Variants in CLTCL1 observed in about 807,000 individuals in gnomAD.
The protein encoded by CLTCL1 is clathrin heavy chain 2.
CLTCL1 carries 159 observed loss-of-function variants against 190.0 expected under a neutral mutation model. That is an observed-to-expected ratio of 0.84 (90% CI 0.74 to 0.95). The LOEUF (loss-of-function observed/expected upper bound fraction) is 0.95. Among genes scored for constraint, CLTCL1 ranks in the 40% least tolerant of loss-of-function variants. CLTCL1 has a pLI of 0.00. For missense variants in CLTCL1, 1,878 were observed against 2,033.4 expected, an observed-to-expected ratio of 0.92 and a Z score of 1.47; for synonymous variants, 752 against 769.6, an observed-to-expected ratio of 0.98 and a Z score of 0.38.
intron 14 of CLTCL1, 49 bp downstream of exon 14, chr22:19,223,842 C>G: frequency 6.2e-7 from 1 of 1,608,086 alleles, no homozygotes; most frequent in Non-Finnish European, 8.5e-7. Flanking sequence ...TCTGCCCCAC[C>G]TGCCATCAGC....
rs782763598 is a variant in CLTCL1, at chr22:19,291,576, G to GC, written c.42+23dup. 13 of 1,357,726 alleles carry GC rather than the reference G, an allele frequency of 9.6e-6. 1 individual carries two copies. Among genetic ancestry groups the GC allele is most frequent in the South Asian group, 5.3e-5 (3 of 57,110 alleles). The allele number at this position is 1,357,726 out of a possible 1,614,324, so 84.1% of individuals were successfully genotyped here. ...CGGCGGAGGCGCGGCTGACAGGGCAGCCCCCCAGCCCGCCGGGCCTCACCT... is the reference window on the plus strand; with the variant it reads ...CGGCGGAGGCGCGGCTGACAGGGCAGCCCCCCCAGCCCGCCGGGCCTCACCT... On this transcript the variant is annotated intron_variant, in intron 1 of 32. Transcript: ENST00000427926.
rs1555955418 is a variant in CLTCL1, at chr22:19,225,591, C to T, written c.1990G>A (p.Val664Met). 1.3e-6 allele frequency: 2 copies of T among 1,574,982 alleles called. No individual in the cohort carries two copies. Among genetic ancestry groups the T allele is most frequent in the East Asian group, 2.4e-5 (1 of 42,448 alleles). The change falls in exon 13 of 33, where the codon GTG becomes ATG. Residue 664 changes from valine (V) to methionine (M), a missense_variant. Transcript: ENST00000427926. ...GACAGCATGGCATGCAGACACTCCA[C>T]AGAATCCTCCACCGATAAGGAGCCA... ...FFGSLSVEDS[V>M]ECLHAMLSAN...
chr22:19,242,050 C>T (rs1290258667), intron 4 of CLTCL1, among the ~76,000 whole-genome samples: 1 of 149,512 alleles, frequency 6.7e-6, no homozygotes, highest in Admixed American at 6.7e-5. Context: ...TCAAGCAATT[C>T]TCCTGCCTCA....
chr22:19,239,189 A>C (rs2086172295), intron 5 of CLTCL1, 86 bp downstream of exon 5: 13 of 1,030,470 alleles, frequency 1.3e-5, no homozygotes, highest in Non-Finnish European at 2.0e-5. Flanking sequence ...GCAGAAGCAG[A>C]CTAAAAATGG....
chr22:19,237,551 A>G (rs1555962829), intron 5 of CLTCL1, among the ~76,000 whole-genome samples: 1 of 152,128 alleles, frequency 6.6e-6, no homozygotes, highest in African/African-American at 2.4e-5. Context: ...AATTTCTAGG[A>G]ATTTATCCTC....
chr22:19,277,538 T>A (rs937311066), intron 1 of CLTCL1, among the ~76,000 whole-genome samples: 3 of 152,146 alleles, frequency 2.0e-5, no homozygotes, highest in East Asian at 1.9e-4. Flanking sequence ...AAACAAAACA[T>A]TACTTCATAA....
chr22:19,271,150 T>C (rs1011635783), intron 2 of CLTCL1, among the ~76,000 whole-genome samples: 1 of 152,030 alleles, frequency 6.6e-6, no homozygotes, highest in African/African-American at 2.4e-5. Flanking sequence ...CTATACTCCA[T>C]CTACTTCTAA....
chr22:19,252,971 G>A (rs541916185), intron 3 of CLTCL1, among the ~76,000 whole-genome samples: 3 of 142,712 alleles, frequency 2.1e-5, no homozygotes, highest in South Asian at 4.4e-4. Flanking sequence ...CCGAGATCGC[G>A]CCACTGCACT....
rs563708523 is a variant in CLTCL1 at position 19,179,906 on chromosome 22, G to A, written c.*84C>T. ...CGCGGAAGTTGTACATTGGAGGCTG[G>A]CGAAGTTGGGAGCAGAGGCATATCC... On this transcript the variant is annotated 3_prime_UTR_variant, in exon 33 of 33. Transcript: ENST00000427926. 17 of 458,610 alleles carry A rather than the reference G, an allele frequency of 3.7e-5. No homozygotes were observed. The East Asian group carries it at 6.4e-4, about 17-fold the overall frequency. The allele number at this position is 458,610 out of a possible 1,614,324, so 28.4% of individuals were successfully genotyped here.
chr22:19,215,982 G>A (rs2085371560), intron 19 of CLTCL1, 129 bp downstream of exon 19: 2 of 776,174 alleles, frequency 2.6e-6, no homozygotes, highest in Non-Finnish European at 4.1e-6. Flanking sequence ...TAAGAAGATT[G>A]GCATGTCTGG....
chr22:19,250,510 T>C (rs2086560074), intron 3 of CLTCL1, among the ~76,000 whole-genome samples: 2 of 151,274 alleles, frequency 1.3e-5, no homozygotes. Flanking sequence ...AGCTAATTTG[T>C]TTGTCATCTA....
At chr22:19,269,040 C>T (rs1415678733) in intron 2 of CLTCL1, among the ~76,000 whole-genome samples, 1 of 144,862 alleles carries the variant, frequency 6.9e-6, no homozygotes, top group Non-Finnish European at 1.5e-5. Flanking sequence ...CAGTGAGCCG[C>T]GATAGCGCCA....
chr22:19,225,784 G>A (rs545773391), intron 12 of CLTCL1, among the ~76,000 whole-genome samples, 151 bp from the exon 13 acceptor site: 150 of 152,308 alleles, frequency 9.8e-4, no homozygotes, highest in Non-Finnish European at 1.9e-3. Context: ...TATCCATCAC[G>A]GGAAAAAGTA....
intron 10 of CLTCL1, among the ~76,000 whole-genome samples, chr22:19,231,752 T>C (rs959884943): frequency 2.6e-5 from 4 of 152,192 alleles, no homozygotes; most frequent in Non-Finnish European, 4.4e-5. Flanking sequence ...AAGTTTATAT[T>C]TTGAACAACT....
At chr22:19,282,553 C>CA (rs1393304368) in intron 1 of CLTCL1, among the ~76,000 whole-genome samples, 1 of 150,348 alleles carries the variant, frequency 6.7e-6, no homozygotes, top group Non-Finnish European at 1.5e-5. Flanking sequence ...CAGGAGAACC[C>CA]AGGAGGTGGA....
intron 18 of CLTCL1, 104 bp from the exon 19 acceptor site, chr22:19,216,360 GAC>G: frequency 1.9e-6 from 2 of 1,070,266 alleles, no homozygotes; most frequent in South Asian, 1.6e-5. Context: ...GTCTGGAATA[GAC>G]ACAGAGAAAA....
intron 2 of CLTCL1, chr22:19,257,957 G>T: frequency 1.3e-6 from 1 of 791,306 alleles, no homozygotes; most frequent in Non-Finnish European, 2.0e-6. Context: ...AAATTCTGTG[G>T]ACAATGCCTT....
intron 30 of CLTCL1, chr22:19,183,174 G>T: frequency 3.7e-6 from 2 of 544,668 alleles, no homozygotes; most frequent in Non-Finnish European, 6.6e-6. Flanking sequence ...CTGCCAGTGG[G>T]CACTCCCCAT....
intron 7 of CLTCL1, 141 bp from the exon 8 acceptor site, chr22:19,233,763 CA>C: frequency 2.8e-6 from 2 of 707,902 alleles, no homozygotes; most frequent in South Asian, 1.9e-5. Context: ...TCTACCAAGG[CA>C]ACTGCTTCTA....
Sources: allele counts gnomAD v4.1 joint callset (sites outside exome capture counted in the v4.1 genomes callset), GRCh38; gene constraint gnomAD v4.1.1; transcripts MANE v1.5; gene names NCBI Gene and HGNC (gene_info 2026-07-23, HGNC 2026-07-21).